EZH1: variants seen among roughly 807,000 people sequenced by gnomAD.
EZH1 encodes the protein enhancer of zeste 1 polycomb repressive complex 2 subunit.
In EZH1, 33 loss-of-function variants were observed where a neutral mutation model predicts 100.5. The observed-to-expected ratio is 0.33, with a 90% CI of 0.25 to 0.44. The LOEUF (loss-of-function observed/expected upper bound fraction) is 0.44, where lower values mean the gene tolerates loss of function less well. Among genes scored for constraint, EZH1 ranks in the 20% least tolerant of loss-of-function variants. EZH1 has a pLI of 1.00. For missense variants in EZH1, 475 were observed against 928.4 expected, an observed-to-expected ratio of 0.51 and a Z score of 6.35; for synonymous variants, 272 against 313.8, an observed-to-expected ratio of 0.87 and a Z score of 1.41.
chr17:42,736,988 A>ATT (rs1178668278), intron 1 of EZH1, among the ~76,000 whole-genome samples: 15 of 144,140 alleles, frequency 1.0e-4, no homozygotes, highest in Non-Finnish European at 1.7e-4. Context: ...TAGCTTTACA[A>ATT]TTTTTTTTTT....
chr17:42,707,085 A>C (rs1361076348), intron 15 of EZH1, among the ~76,000 whole-genome samples: 2 of 152,140 alleles, frequency 1.3e-5, no homozygotes, highest in Non-Finnish European at 2.9e-5. Context: ...AAGTACCCGG[A>C]TGTCTCTGCT....
rs370906434 is a variant in EZH1, at chr17:42,718,626, G to A, written c.768-9C>T. On this transcript the variant is annotated splice_polypyrimidine_tract_variant and intron_variant, in intron 8 of 20. Transcript: ENST00000428826. This position sits in a 1 kb window ranked among gnomAD's most constrained non-coding sequence, Gnocchi z 4.2. ...CTGTTAGTTCTCGATACCTATTTAA[G>A]AAAAGAGAGATAAGAGTTCCTCCGA... is the stretch of plus-strand genomic sequence containing the variant. 1.9e-6 allele frequency: 3 copies of A among 1,613,898 alleles called. No individual in the cohort carries two copies.
intron 10 of EZH1, among the ~76,000 whole-genome samples, chr17:42,716,988 A>C (rs2053618018): frequency 6.6e-6 from 1 of 152,108 alleles, no homozygotes; most frequent in Non-Finnish European, 1.5e-5. Context: ...GTGCACTACG[A>C]CGCCTGGCTG....
chr17:42,738,616 T>C (rs2054114303), intron 1 of EZH1, among the ~76,000 whole-genome samples: 1 of 151,434 alleles, frequency 6.6e-6, no homozygotes, highest in Admixed American at 6.6e-5. Flanking sequence ...CTGCCCCAGC[T>C]AATTTTTGTA....
chr17:42,717,896 C>CT (rs1486626770), intron 10 of EZH1, 80 bp downstream of exon 10: 199 of 1,258,994 alleles, frequency 1.6e-4, no homozygotes, highest in Non-Finnish European at 2.2e-4. Flanking sequence ...CTATATGACC[C>CT]CCAGAGTGCT....
chr17:42,721,322 C>T (rs539496929), intron 6 of EZH1, among the ~76,000 whole-genome samples: 1 of 152,340 alleles, frequency 6.6e-6, no homozygotes, highest in Admixed American at 6.5e-5. Flanking sequence ...CCATTTCTTA[C>T]ACACGGACAG....
rs541458342 is a variant in EZH1 at position 42,738,223 on chromosome 17, G to A, written c.-103+6788C>T. On this transcript the variant is annotated intron_variant, in intron 1 of 20. Coordinates refer to ENST00000428826, the MANE Select transcript of EZH1 (RefSeq NM_001991.5). Reference sequence around the variant, plus strand: ...TTTAAGGAACAAGTTCTTAAACTTAGAGAGACTGAGATCAGAATACAAAAG... The same window carrying A: ...TTTAAGGAACAAGTTCTTAAACTTAAAGAGACTGAGATCAGAATACAAAAG... Among the ~76,000 whole-genome samples, 36 of 148,784 alleles carry A rather than the reference G, an allele frequency of 2.4e-4. 1 individual carries two copies. In the South Asian group the frequency reaches 6.9e-3, roughly 29 times the overall value.
Position 42,702,654 on chromosome 17 carries a change from G to C in EZH1, c.2184-62C>G, listed in dbSNP as rs372475169. On this transcript the variant is annotated intron_variant, in intron 20 of 20. Transcript: ENST00000428826. ...CATGACTTTTGTGATTGAAAAGGCGGAGTCCCCTCCCGTTTCACTTCCCCT... is the reference window on the plus strand; with the variant it reads ...CATGACTTTTGTGATTGAAAAGGCGCAGTCCCCTCCCGTTTCACTTCCCCT... 5.4e-5 allele frequency: 81 copies of C among 1,504,368 alleles called. No homozygotes were observed. The African/African-American group carries it at 1.0e-3, about 19-fold the overall frequency. The allele number at this position is 1,504,368 out of a possible 1,614,324, so 93.2% of individuals were successfully genotyped here.
intron 10 of EZH1, chr17:42,714,691 G>A: frequency 1.6e-5 from 4 of 254,836 alleles, no homozygotes; most frequent in South Asian, 8.9e-5. Context: ...AAAAAATAAA[G>A]GTTAACTATC....
chr17:42,710,403 T>G (rs1198345543), intron 12 of EZH1, among the ~76,000 whole-genome samples: 1 of 152,202 alleles, frequency 6.6e-6, no homozygotes, highest in East Asian at 1.9e-4. Flanking sequence ...GGATGTGTTT[T>G]TTCTCTTAAA....
intron 2 of EZH1, among the ~76,000 whole-genome samples, chr17:42,730,487 CTTTT>C (rs1156867481): frequency 3.5e-4 from 23 of 66,654 alleles, no homozygotes; most frequent in African/African-American, 1.0e-3. Flanking sequence ...AGTATGTATT[CTTTT>C]TTTTTTTTTT....
intron 1 of EZH1, among the ~76,000 whole-genome samples, chr17:42,744,659 G>C (rs1006454518): frequency 2.6e-5 from 4 of 152,162 alleles, no homozygotes; most frequent in Non-Finnish European, 4.4e-5. Context: ...GCCCCCGCAG[G>C]TGCCACCGCC....
intron 6 of EZH1, 89 bp from the exon 7 acceptor site, chr17:42,720,538 G>T: frequency 8.8e-7 from 1 of 1,140,264 alleles, no homozygotes. Context: ...CACTCCAGAG[G>T]CCCAGATATG....
chr17:42,721,456 C>G (rs2053704487), intron 6 of EZH1, among the ~76,000 whole-genome samples: 1 of 152,062 alleles, frequency 6.6e-6, no homozygotes, highest in Non-Finnish European at 1.5e-5. Context: ...AGCCTCATTG[C>G]CATTCTCAGA....
intron 6 of EZH1, 70 bp downstream of exon 6, chr17:42,722,725 A>C: frequency 6.6e-7 from 1 of 1,515,914 alleles, no homozygotes; most frequent in Non-Finnish European, 8.9e-7. Flanking sequence ...GCAAGATGGC[A>C]AGATGATGAG....
intron 1 of EZH1, chr17:42,731,917 A>G (rs1416366780): frequency 6.6e-6 from 1 of 152,206 alleles, no homozygotes; most frequent in Non-Finnish European, 1.5e-5. Context: ...AAACAAAACA[A>G]AACAAAACAT....
intron 2 of EZH1, among the ~76,000 whole-genome samples, 175 bp downstream of exon 2, chr17:42,730,653 C>T (rs1001752440): frequency 3.3e-5 from 5 of 150,770 alleles, no homozygotes; most frequent in East Asian, 1.9e-4. Context: ...CCCGCTACCA[C>T]GCCCGGCTAA....
chr17:42,703,458 G>A lies in EZH1; in HGVS notation c.2098+282C>T, dbSNP rs1040985149. On this transcript the variant is annotated intron_variant, in intron 19 of 20. Transcript: ENST00000428826. ...CTCCCAAAGTGCTGGGATTACAGGC[G>A]TAAGCCACCACACCCAGCCTATTAT... 2.8e-5 allele frequency: 11 copies of A among 397,426 alleles called. No homozygotes were observed. The East Asian group carries it at 2.8e-4, about 10-fold the overall frequency. The allele number at this position is 397,426 out of a possible 1,614,324, so 24.6% of individuals were successfully genotyped here. A position where few individuals can be genotyped will look rare whatever the true frequency, so the allele number is the denominator to read the frequency against.
At chr17:42,708,967 C>T (rs1567986149) in intron 13 of EZH1, 51 bp from the exon 14 acceptor site, 1 of 1,607,734 alleles carries the variant, frequency 6.2e-7, no homozygotes. Flanking sequence ...GGGAGCTCTG[C>T]AAATGCAGGT....
Sources: gnomAD v4.1 joint callset for allele counts (sites outside exome capture counted in the v4.1 genomes callset) on GRCh38, gnomAD v4.1.1 for gene constraint, Gnocchi (gnomAD v3.1) non-coding constraint, MANE v1.5 for transcripts, NCBI Gene and HGNC (gene_info 2026-07-23, HGNC 2026-07-21) for gene names.